The following NID1 variants were observed in gnomAD, a reference collection of about 807,000 sequenced individuals.
NID1 encodes nidogen 1.
A neutral mutation model predicts 130.6 loss-of-function variants in NID1; 76 were observed. That is an observed-to-expected ratio of 0.58 (90% CI 0.48 to 0.70). NID1 has a LOEUF of 0.70. NID1 is among the 30% of genes least tolerant of loss of function. NID1 has a pLI of 0.00. For missense variants in NID1, 1,517 were observed against 1,664.8 expected (o/e 0.91, Z 1.54); for synonymous variants, 665 against 675.1 (o/e 0.98, Z 0.23).
chr1:235,992,679 G>A (rs960909955), intron 13 of NID1, among the ~76,000 whole-genome samples: 2 of 152,182 alleles, frequency 1.3e-5, no homozygotes, highest in Non-Finnish European at 2.9e-5. Context: ...CCAGCACCGT[G>A]ACTTTCCTCT....
rs1238668465 is a variant in NID1 at position 236,017,287 on chromosome 1, T to C, written c.2129-14A>G. On this transcript the variant is annotated splice_polypyrimidine_tract_variant and intron_variant, in intron 9 of 19. Coordinates refer to ENST00000264187, the MANE Select transcript of NID1 (RefSeq NM_002508.3). ...ATTCATCAATATCTGCAGCAAAAAT[T>C]TTTTTTTACTGCAGGCTTTTTTTTA... The C allele has an allele frequency of 1.2e-6, 2 of 1,612,504 alleles. No homozygotes were observed. The highest frequency in any genetic ancestry group is 2.2e-5 in the South Asian group (2 of 90,810).
intron 12 of NID1, among the ~76,000 whole-genome samples, chr1:235,996,797 C>T (rs1657935418): frequency 6.6e-6 from 1 of 151,858 alleles, no homozygotes; most frequent in African/African-American, 2.4e-5. Context: ...AGGCTGGCCT[C>T]CAGCTCCTGG....
chr1:236,057,492 G>A (rs1389381225), intron 1 of NID1, among the ~76,000 whole-genome samples: 1 of 152,046 alleles, frequency 6.6e-6, no homozygotes, highest in East Asian at 1.9e-4. Flanking sequence ...CACTTTGGGA[G>A]GCTGAGGCGG....
chr1:236,023,373 A>T (rs1364109766), intron 9 of NID1, among the ~76,000 whole-genome samples: 3 of 152,272 alleles, frequency 2.0e-5, no homozygotes, highest in Non-Finnish European at 4.4e-5. Flanking sequence ...ACAGAAGAAC[A>T]AATATGATTC....
intron 12 of NID1, among the ~76,000 whole-genome samples, chr1:236,010,575 C>G (rs904973941): frequency 6.6e-6 from 1 of 152,232 alleles, no homozygotes; most frequent in Non-Finnish European, 1.5e-5. Flanking sequence ...GCTAGGATTA[C>G]AGGCGAGAGC....
At chr1:236,010,418 C>A (rs1050442265) in intron 12 of NID1, among the ~76,000 whole-genome samples, 1 of 151,740 alleles carries the variant, frequency 6.6e-6, no homozygotes, top group Non-Finnish European at 1.5e-5. Flanking sequence ...CTACCTCAGC[C>A]CCCCGAGGAG....
rs139385957 is a variant in NID1, at chr1:236,005,043, G to A, written c.2527+6878C>T. ...TACAAAATTAGCTGGGAATGGTGGC[G>A]TGCGCCTGAGTCACAGCTACTCGGG... is the stretch of plus-strand genomic sequence containing the variant. On this transcript the variant is annotated intron_variant, in intron 12 of 19. Transcript: ENST00000264187. Among the ~76,000 whole-genome samples, 1,163 of 152,078 alleles carry A rather than the reference G, an allele frequency of 7.6e-3. 14 individuals carry two copies. Among genetic ancestry groups the A allele is most frequent in the African/African-American group, 0.026 (1,098 of 41,498 alleles).
chr1:236,036,959 G>C (rs966160752), intron 5 of NID1, among the ~76,000 whole-genome samples: 1 of 152,144 alleles, frequency 6.6e-6, no homozygotes. Context: ...GACTAAGACC[G>C]CATCTGAAGG....
At chr1:236,038,928 A>T (rs1024017023) in intron 4 of NID1, among the ~76,000 whole-genome samples, 3 of 141,926 alleles carry the variant, frequency 2.1e-5, no homozygotes, top group African/African-American at 5.1e-5. Context: ...ACATATATGT[A>T]ATATATATTA....
At position 236,025,909 on chromosome 1, in the gene NID1, A is replaced by C. The variant is rs199655594; in HGVS notation, c.1971T>G (p.Ile657Met). 1.3e-4 allele frequency: 210 copies of C among 1,613,786 alleles called. No homozygotes were observed. Among genetic ancestry groups the C allele is most frequent in the Non-Finnish European group, 1.7e-4 (201 of 1,179,942 alleles). Reference sequence around the variant, plus strand: ...GTATCCCCTTACCCCTCACAGGCCCAATGGAGTTGCTGAGAGCATAGCGCA... The same window carrying C: ...GTATCCCCTTACCCCTCACAGGCCCCATGGAGTTGCTGAGAGCATAGCGCA... ...KILRYALSNS[I>M]GPVREGSPDA... is the part of the protein sequence containing the mutation. The change falls in exon 8 of 20, where the codon ATT (isoleucine) becomes ATG (methionine). Residue 657 changes from isoleucine to methionine, a missense_variant. Physicochemically the swap from Ile to Met is conservative, Grantham distance 10. Around this residue, in one of 3 missense-constraint regions of NID1, gnomAD observed 1,329 missense variants for 1,429.2 expected, o/e 0.93. Coordinates refer to ENST00000264187, the MANE Select transcript of NID1 (RefSeq NM_002508.3).
intron 6 of NID1, 115 bp downstream of exon 6, chr1:236,032,286 C>G: frequency 7.5e-7 from 1 of 1,331,868 alleles, no homozygotes; most frequent in Non-Finnish European, 1.0e-6. Flanking sequence ...CAAAAAGGAG[C>G]AACAACATGC....
rs746665264 is a variant in NID1, at chr1:236,025,914, A to C, written c.1966T>G (p.Ser656Ala). Residue 656 changes from serine to alanine, a missense_variant, in exon 8 of 20, where the codon TCC (serine) becomes GCC (alanine). By Grantham distance (99) the Ser-to-Ala change is moderately conservative. Around this residue, in one of 3 missense-constraint regions of NID1, gnomAD observed 1,329 missense variants for 1,429.2 expected, o/e 0.93. Transcript: ENST00000264187. ...EKILRYALSN[S>A]IGPVREGSPD... ...CCCTTACCCCTCACAGGCCCAATGG[A>C]GTTGCTGAGAGCATAGCGCAAGATC... 1 of 1,613,878 alleles carries C rather than the reference A, an allele frequency of 6.2e-7. No individual in the cohort carries two copies. Among genetic ancestry groups the C allele is most frequent in the South Asian group, 1.1e-5 (1 of 91,072 alleles).
intron 15 of NID1, among the ~76,000 whole-genome samples, chr1:235,983,590 C>T (rs191004584): frequency 1.3e-5 from 2 of 152,238 alleles, no homozygotes. Context: ...AGCATCTTTG[C>T]GAGGCACCTG....
intron 10 of NID1, 116 bp downstream of exon 10, chr1:236,017,031 CT>C (rs1337101812): frequency 2.7e-5 from 36 of 1,337,932 alleles, no homozygotes; most frequent in Admixed American, 1.1e-4. Context: ...TTATAAATTG[CT>C]CTTCCCAGCA....
chr1:235,993,201 T>C (rs1049749800), intron 13 of NID1, among the ~76,000 whole-genome samples: 9 of 152,186 alleles, frequency 5.9e-5, no homozygotes, highest in African/African-American at 2.2e-4. Flanking sequence ...CAGGCCCTAC[T>C]GCCTAGGGCA....
At chr1:236,064,830 G>A (rs1660147082) in intron 1 of NID1, 25 bp downstream of exon 1, 2 of 1,594,996 alleles carry the variant, frequency 1.3e-6, no homozygotes, top group African/African-American at 1.3e-5. Context: ...GCAGCCCCTC[G>A]CCCGCCCTCC....
chr1:236,047,838 C>G (rs1029344785), intron 2 of NID1, among the ~76,000 whole-genome samples: 2 of 149,310 alleles, frequency 1.3e-5, no homozygotes, highest in African/African-American at 5.0e-5. Flanking sequence ...ACCAGCCTGG[C>G]CAATGTGGTG....
intron 4 of NID1, among the ~76,000 whole-genome samples, chr1:236,040,276 C>T (rs2102838695): frequency 6.6e-6 from 1 of 152,228 alleles, no homozygotes; most frequent in South Asian, 2.1e-4. Context: ...ACCCAGGGTG[C>T]AGTAGGAGAA....
At chr1:236,000,712 G>A (rs1459606739) in intron 12 of NID1, among the ~76,000 whole-genome samples, 1 of 152,210 alleles carries the variant, frequency 6.6e-6, no homozygotes, top group East Asian at 1.9e-4. Flanking sequence ...TTTACAAGAA[G>A]GAGAACTAAG....
Sources: allele counts gnomAD v4.1 joint callset (sites outside exome capture counted in the v4.1 genomes callset), GRCh38; gene constraint gnomAD v4.1.1; regional missense constraint gnomAD v4.1.1; transcripts MANE v1.5; gene names NCBI Gene and HGNC (gene_info 2026-07-23, HGNC 2026-07-21).